DDX10: variants seen among roughly 807,000 people sequenced by gnomAD.
DDX10 encodes the protein probable ATP-dependent RNA helicase DDX10.
In DDX10, 74 loss-of-function variants were observed where a neutral mutation model predicts 104.3. That is an observed-to-expected ratio of 0.71 (90% CI 0.59 to 0.86). DDX10 has a LOEUF of 0.86. DDX10 is among the 40% of genes least tolerant of loss of function. The pLI is 0.00. For missense variants in DDX10, 952 were observed against 1,040.0 expected (o/e 0.92, Z 1.16); for synonymous variants, 351 against 353.4 (o/e 0.99, Z 0.08).
intron 3 of DDX10, among the ~76,000 whole-genome samples, chr11:108,676,400 A>G (rs2094225206): frequency 6.6e-6 from 1 of 152,134 alleles, no homozygotes; most frequent in Admixed American, 6.5e-5. Context: ...TAGATAATTC[A>G]GTTACTATAT....
intron 7 of DDX10, chr11:108,690,326 A>C (rs2094250454): frequency 6.5e-6 from 1 of 152,998 alleles, no homozygotes; most frequent in Admixed American, 6.5e-5. Context: ...ATAGTTGCCC[A>C]GGGTGGCAAT....
chr11:108,745,320 A>T (rs2094330546), intron 13 of DDX10, among the ~76,000 whole-genome samples: 1 of 148,154 alleles, frequency 6.7e-6, no homozygotes, highest in South Asian at 2.1e-4. Context: ...TGGCGAGATC[A>T]TGGCTCACTG....
At chr11:108,672,062 GAAAAAAAA>G (rs55845865) in intron 1 of DDX10, among the ~76,000 whole-genome samples, 13 of 68,638 alleles carry the variant, frequency 1.9e-4, no homozygotes, top group African/African-American at 4.4e-4. Flanking sequence ...CTCCATCTCG[GAAAAAAAA>G]AAAAAAAAAA....
At chr11:108,759,946 A>G (rs138572053) in intron 13 of DDX10, among the ~76,000 whole-genome samples, 1 of 151,778 alleles carries the variant, frequency 6.6e-6, no homozygotes, top group African/African-American at 2.4e-5. Flanking sequence ...ATTGTGTTGA[A>G]TTTGTGAAAG....
At chr11:108,868,040 A>G (rs554109378) in intron 16 of DDX10, among the ~76,000 whole-genome samples, 2 of 152,234 alleles carry the variant, frequency 1.3e-5, no homozygotes, top group African/African-American at 4.8e-5. Flanking sequence ...GTAGCTTTGC[A>G]TATACTGAAC....
At chr11:108,839,654 A>G (rs1371074506) in intron 14 of DDX10, among the ~76,000 whole-genome samples, 2 of 152,220 alleles carry the variant, frequency 1.3e-5, no homozygotes, top group Non-Finnish European at 2.9e-5. Context: ...TTTTGGAGTT[A>G]AAGTTTTGGA....
intron 13 of DDX10, among the ~76,000 whole-genome samples, chr11:108,798,924 C>G (rs1565281827): frequency 6.6e-6 from 1 of 151,882 alleles, no homozygotes. Flanking sequence ...ATCCTGATAA[C>G]CCAGACAATA....
chr11:108,710,865 C>G (rs1399057127), intron 10 of DDX10, among the ~76,000 whole-genome samples: 1 of 152,220 alleles, frequency 6.6e-6, no homozygotes, highest in African/African-American at 2.4e-5. Context: ...CACTAGCACA[C>G]TGCAGCCTCA....
intron 13 of DDX10, among the ~76,000 whole-genome samples, chr11:108,810,804 T>A (rs1427794482): frequency 6.6e-6 from 1 of 152,216 alleles, no homozygotes; most frequent in African/African-American, 2.4e-5. Context: ...CATAATGTTA[T>A]AACCTTAGAG....
At chr11:108,704,246 A>G (rs928758780) in intron 9 of DDX10, among the ~76,000 whole-genome samples, 4 of 152,192 alleles carry the variant, frequency 2.6e-5, no homozygotes, top group Admixed American at 2.0e-4. Flanking sequence ...ACTCTTTGCC[A>G]AAGTTCTTGC....
chr11:108,933,644 G>A lies in DDX10; in HGVS notation c.2451-6602G>A, dbSNP rs552295810. Among the ~76,000 whole-genome samples the A allele has an allele frequency of 5.3e-5, 8 of 152,058 alleles. No individual in the cohort carries two copies. In the South Asian group the frequency reaches 6.2e-4, roughly 12 times the overall value. On this transcript the variant is annotated intron_variant, in intron 17 of 17. Transcript: ENST00000322536. ...TTTTTTACAATATAATTTCCCTTCC[G>A]CCATTAGTGTTTTAATTTTCACTGT... is the stretch of plus-strand genomic sequence containing the variant.
chr11:108,888,375 G>T (rs1863329352), intron 16 of DDX10, among the ~76,000 whole-genome samples: 1 of 151,942 alleles, frequency 6.6e-6, no homozygotes, highest in South Asian at 2.1e-4. Context: ...CATTAGCATT[G>T]TAGTTATGTT....
chr11:108,936,572 C>G (rs575152968), intron 17 of DDX10, among the ~76,000 whole-genome samples: 6 of 152,122 alleles, frequency 3.9e-5, no homozygotes, highest in African/African-American at 1.2e-4. Flanking sequence ...TACATATAGA[C>G]TTTTTAAAAT....
At chr11:108,897,145 C>G (rs1338509613) in intron 16 of DDX10, among the ~76,000 whole-genome samples, 3 of 152,126 alleles carry the variant, frequency 2.0e-5, no homozygotes, top group Admixed American at 2.0e-4. Context: ...ACCAAGGAAG[C>G]ACAAATTATC....
At chr11:108,725,570 C>G (rs1313392454) in intron 13 of DDX10, among the ~76,000 whole-genome samples, 1 of 152,018 alleles carries the variant, frequency 6.6e-6, no homozygotes, top group Admixed American at 6.6e-5. Flanking sequence ...GACTGAACAT[C>G]TCTACATGTG....
At chr11:108,922,903 C>G (rs1026907614) in intron 17 of DDX10, among the ~76,000 whole-genome samples, 1 of 152,236 alleles carries the variant, frequency 6.6e-6, no homozygotes, top group African/African-American at 2.4e-5. Context: ...ACCCGCAGTA[C>G]AGAAGTAGTT....
chr11:108,763,920 A>G (rs2094353593), intron 13 of DDX10, among the ~76,000 whole-genome samples: 1 of 152,208 alleles, frequency 6.6e-6, no homozygotes, highest in Admixed American at 6.5e-5. Flanking sequence ...GTTTCAAATT[A>G]CTTACAGAAA....
intron 17 of DDX10, among the ~76,000 whole-genome samples, chr11:108,935,900 T>A (rs9888161): frequency 0.046 from 7,049 of 152,276 alleles, 479 homozygotes; most frequent in African/African-American, 0.14. Context: ...AAAGTTAATA[T>A]TTCACATTTG....
intron 13 of DDX10, among the ~76,000 whole-genome samples, chr11:108,795,081 G>A (rs1446189879): frequency 6.6e-6 from 1 of 152,042 alleles, no homozygotes; most frequent in Admixed American, 6.5e-5. Context: ...GCACACCTTG[G>A]CCTGCCAAAG....
Sources: gnomAD v4.1 joint callset for allele counts (sites outside exome capture counted in the v4.1 genomes callset) on GRCh38, gnomAD v4.1.1 for gene constraint, MANE v1.5 for transcripts, NCBI Gene and HGNC (gene_info 2026-07-23, HGNC 2026-07-21) for gene names.